Variants in FBXL13 observed in about 807,000 individuals in gnomAD.
The protein encoded by FBXL13 is F-box and leucine-rich repeat protein 13.
Under a neutral mutation model 83.6 loss-of-function variants are expected in FBXL13, and 67 were observed. The ratio of observed to expected loss-of-function variants is 0.80; its 90% confidence interval spans 0.66 to 0.98. The LOEUF is 0.98. Among genes scored for constraint, FBXL13 ranks in the 50% least tolerant of loss-of-function variants. FBXL13 has a pLI of 0.00. For missense variants in FBXL13, 822 were observed against 866.5 expected (o/e 0.95, Z 0.64); for synonymous variants, 272 against 299.5 (o/e 0.91, Z 0.95).
At chr7:102,965,213 A>G (rs1447224600) in intron 7 of FBXL13, among the ~76,000 whole-genome samples, 1 of 152,212 alleles carries the variant, frequency 6.6e-6, no homozygotes, top group East Asian at 1.9e-4. Context: ...ATTCTCTTAT[A>G]AATAGTTGAT....
chr7:103,074,491 CCT>C (rs1799439193), exon 1 of FBXL13: 1 of 1,160,486 alleles, frequency 8.6e-7, no homozygotes, highest in African/African-American at 1.6e-5. Context: ...CCACCATCAC[CCT>C]CTGTTTTCTC....
chr7:102,963,229 G>A (rs1195251096), intron 8 of FBXL13, among the ~76,000 whole-genome samples: 3 of 150,866 alleles, frequency 2.0e-5, no homozygotes, highest in Non-Finnish European at 4.4e-5. Context: ...GCTGAGGCAC[G>A]AAAATCATTT....
chr7:102,817,324 T>C (rs116753798), intron 19 of FBXL13, among the ~76,000 whole-genome samples: 231 of 152,274 alleles, frequency 1.5e-3, no homozygotes, highest in African/African-American at 5.5e-3. Context: ...TGATACTTCA[T>C]TGTGATGGTA....
At chr7:102,927,300 G>T (rs10499952) in intron 9 of FBXL13, among the ~76,000 whole-genome samples, 1 of 151,940 alleles carries the variant, frequency 6.6e-6, no homozygotes, top group Admixed American at 6.6e-5. Context: ...AATGTTTGAC[G>T]CTACATCAGT....
chr7:102,921,552 T>G (rs1228857837), intron 10 of FBXL13, among the ~76,000 whole-genome samples: 4 of 151,296 alleles, frequency 2.6e-5, no homozygotes, highest in Non-Finnish European at 4.4e-5. Context: ...TTGTGGTAAG[T>G]GCCTGTAGTC....
intron 6 of FBXL13, among the ~76,000 whole-genome samples, chr7:103,017,027 G>A (rs1435308222): frequency 4.6e-5 from 7 of 152,296 alleles, no homozygotes; most frequent in Admixed American, 1.3e-4. Flanking sequence ...AGACTGCCTC[G>A]TCAAGTGGGT....
At chr7:102,939,319 C>T in intron 8 of FBXL13, 1 of 869,882 alleles carries the variant, frequency 1.1e-6, no homozygotes. Flanking sequence ...TTTAGATATC[C>T]CTTTACCCCT....
intron 8 of FBXL13, chr7:102,934,699 T>G (rs1322995378): frequency 6.4e-7 from 1 of 1,560,006 alleles, no homozygotes; most frequent in Non-Finnish European, 8.6e-7. Context: ...TGTACTTTTC[T>G]TACTTTTTCA....
At chr7:103,045,712 T>C (rs1796204602) in intron 2 of FBXL13, among the ~76,000 whole-genome samples, 1 of 152,208 alleles carries the variant, frequency 6.6e-6, no homozygotes, top group Non-Finnish European at 1.5e-5. Context: ...GTTTGGCCTG[T>C]TGGGGCCTAG....
chr7:102,982,747 T>C (rs1238858940), intron 6 of FBXL13, among the ~76,000 whole-genome samples: 1 of 152,182 alleles, frequency 6.6e-6, no homozygotes, highest in Non-Finnish European at 1.5e-5. Context: ...TCCCCAGCCA[T>C]GTGTAACTGT....
downstream of FBXL13, among the ~76,000 whole-genome samples, chr7:102,812,911 A>C (rs566932288): frequency 1.5e-4 from 21 of 138,922 alleles, no homozygotes; most frequent in African/African-American, 5.7e-4. Context: ...GACGTGATCT[A>C]GGCTCACTGC....
chr7:103,008,731 T>C (rs1363019714), intron 6 of FBXL13, among the ~76,000 whole-genome samples: 3 of 152,102 alleles, frequency 2.0e-5, no homozygotes, highest in African/African-American at 4.8e-5. Context: ...CTAATTTTTG[T>C]ATTTTTAGGA....
chr7:102,962,067 A>G lies in FBXL13; in HGVS notation c.724+1466T>C, dbSNP rs566218122. On this transcript the variant is annotated intron_variant, in intron 8 of 19. Coordinates refer to ENST00000313221, the Ensembl canonical transcript of FBXL13. ...AACAGGCAACCTACAAAATGGGAGA[A>G]AATTTTCACAACTACTCATCTGACA... Among the ~76,000 whole-genome samples the G allele has an allele frequency of 2.6e-5, 4 of 151,192 alleles. No individual in the cohort carries two copies. In the East Asian group the frequency reaches 8.0e-4, roughly 30 times the overall value.
At chr7:103,049,484 C>T (rs1305663264) in intron 2 of FBXL13, among the ~76,000 whole-genome samples, 2 of 152,154 alleles carry the variant, frequency 1.3e-5, no homozygotes, top group Non-Finnish European at 2.9e-5. Flanking sequence ...TTCTTTTATA[C>T]AAACATTACA....
At chr7:103,000,004 A>C (rs777995022) in intron 6 of FBXL13, among the ~76,000 whole-genome samples, 2 of 151,682 alleles carry the variant, frequency 1.3e-5, no homozygotes, top group Non-Finnish European at 2.9e-5. Flanking sequence ...AAATGTTTCT[A>C]TTTTTTTGAT....
chr7:102,899,868 G>A (rs746110799), intron 11 of FBXL13, among the ~76,000 whole-genome samples: 17 of 151,974 alleles, frequency 1.1e-4, no homozygotes, highest in Admixed American at 2.6e-4. Context: ...TTGGGAATTC[G>A]AGACTGGCCT....
chr7:102,853,096 T>A (rs974588107), intron 17 of FBXL13, among the ~76,000 whole-genome samples: 4 of 152,174 alleles, frequency 2.6e-5, no homozygotes, highest in Admixed American at 1.3e-4. Context: ...CATTGTATGT[T>A]CTCACTCATA....
chr7:103,069,310 G>A (rs538425908), intron 1 of FBXL13, among the ~76,000 whole-genome samples: 5 of 152,316 alleles, frequency 3.3e-5, no homozygotes, highest in Admixed American at 6.5e-5. Context: ...GCCTTTGCCC[G>A]GCCGTTGTGC....
chr7:102,840,407 A>C (rs1802717219), intron 17 of FBXL13, among the ~76,000 whole-genome samples: 1 of 152,222 alleles, frequency 6.6e-6, no homozygotes, highest in Non-Finnish European at 1.5e-5. Context: ...CTAGTGGCCC[A>C]ATTACCTGGC....
Sources: allele counts gnomAD v4.1 joint callset (sites outside exome capture counted in the v4.1 genomes callset), GRCh38; gene constraint gnomAD v4.1.1; transcripts MANE v1.5; gene names NCBI Gene and HGNC (gene_info 2026-07-23, HGNC 2026-07-21).